Variants in TMEM217 observed in about 807,000 individuals in gnomAD.
TMEM217 encodes chromosome 6 open reading frame 128.
For synonymous variants in TMEM217, 76 were observed against 88.3 expected (o/e 0.86, Z 0.78); for missense variants, 204 against 248.8 (o/e 0.82, Z 1.21).
downstream of TMEM217, among the ~76,000 whole-genome samples, chr6:37,214,531 T>A (rs1355944538): frequency 6.6e-6 from 1 of 152,060 alleles, no homozygotes; most frequent in Non-Finnish European, 1.5e-5. Flanking sequence ...CTGGCCATCT[T>A]CAGAACTTTT....
chr6:37,215,703 T>C (rs576121334), downstream of TMEM217, among the ~76,000 whole-genome samples: 5 of 151,818 alleles, frequency 3.3e-5, no homozygotes, highest in South Asian at 2.1e-4. Flanking sequence ...TGAAAAATCA[T>C]TGGATGAGAA....
chr6:37,243,889 T>G (rs1057104081), intron 1 of TMEM217, among the ~76,000 whole-genome samples: 2 of 151,664 alleles, frequency 1.3e-5, no homozygotes, highest in Admixed American at 6.6e-5. Flanking sequence ...GATGGGGGGG[T>G]GCACAGGACC....
exon 1 of TMEM217, chr6:37,257,885 G>T (rs1244253653): frequency 1.2e-6 from 2 of 1,609,946 alleles, no homozygotes; most frequent in Non-Finnish European, 1.7e-6. Flanking sequence ...CAAACCCTTG[G>T]CCCGCCTACA....
chr6:37,224,166 T>C (rs1763683739), intron 1 of TMEM217, among the ~76,000 whole-genome samples: 1 of 149,510 alleles, frequency 6.7e-6, no homozygotes, highest in Non-Finnish European at 1.5e-5. Context: ...CTTGAACTCC[T>C]GACCTCAAAT....
chr6:37,222,800 T>C (rs982581961), intron 1 of TMEM217, among the ~76,000 whole-genome samples: 39 of 152,162 alleles, frequency 2.6e-4, no homozygotes, highest in Non-Finnish European at 5.4e-4. Context: ...CCCGGTGAGT[T>C]CCCGACTTAA....
At position 37,247,845 on chromosome 6, in the gene TMEM217, G is replaced by T. The variant is rs1382085160; in HGVS notation, c.-12+9723C>A. Among the ~76,000 whole-genome samples the T allele has an allele frequency of 2.0e-5, 3 of 152,266 alleles. No individual in the cohort carries two copies. In the East Asian group the frequency reaches 5.8e-4, roughly 29 times the overall value. On this transcript the variant is annotated intron_variant, in intron 1 of 1. Transcript: ENST00000357219. ...ACTAGTTGAGGGCTGCTCCCAGGAG[G>T]AGTTAACTCTTAGACATTTCCAATA... is the stretch of plus-strand genomic sequence containing the variant.
At chr6:37,217,918 A>G in exon 2 of TMEM217, 1 of 986,072 alleles carries the variant, frequency 1.0e-6, no homozygotes, top group Non-Finnish European at 1.2e-6. Context: ...AGTTCACAGA[A>G]GTTTTGATAA....
At chr6:37,232,416 C>T (rs548873403) in intron 1 of TMEM217, among the ~76,000 whole-genome samples, 2 of 152,288 alleles carry the variant, frequency 1.3e-5, no homozygotes, top group South Asian at 2.1e-4. Context: ...GACGGAGTCT[C>T]GCTCTGTCGC....
intron 1 of TMEM217, among the ~76,000 whole-genome samples, chr6:37,221,157 T>C (rs904721012): frequency 6.6e-6 from 1 of 152,048 alleles, no homozygotes; most frequent in African/African-American, 2.4e-5. Context: ...TTCTATTAAT[T>C]TGACTACTCT....
At chr6:37,215,836 A>T (rs1042328749), downstream of TMEM217, among the ~76,000 whole-genome samples, 23 of 152,188 alleles carry the variant, frequency 1.5e-4, no homozygotes, top group Non-Finnish European at 2.5e-4. Flanking sequence ...AGGGGTAGGC[A>T]CAGGGATAGG....
At chr6:37,257,485 T>G in intron 1 of TMEM217, 83 bp downstream of exon 1, 1 of 174,272 alleles carries the variant, frequency 5.7e-6, no homozygotes, top group Non-Finnish European at 1.2e-5. Flanking sequence ...TGTTCTCTCT[T>G]GCCAAGAAAT....
Position 37,218,963 on chromosome 6 carries a change from A to G in TMEM217, c.68T>C (p.Ile23Thr), listed in dbSNP as rs374662056. 5.0e-6 allele frequency: 8 copies of G among 1,614,208 alleles called. No individual in the cohort carries two copies. The highest frequency in any genetic ancestry group is 2.2e-5 in the East Asian group (1 of 44,890). The change falls in exon 2 of 2, where the codon ATC becomes ACC. Residue 23 changes from isoleucine (I) to threonine (T), a missense_variant. Coordinates refer to ENST00000357219, the Ensembl canonical transcript of TMEM217. ...GATGAGATACATGTCTACGGCCATGATGGTGAAGACCCCTGACAACACGGT... is the reference window on the plus strand; with the variant it reads ...GATGAGATACATGTCTACGGCCATGGTGGTGAAGACCCCTGACAACACGGT...
chr6:37,225,289 TA>T (rs1384391541), intron 1 of TMEM217, among the ~76,000 whole-genome samples: 11 of 152,048 alleles, frequency 7.2e-5, no homozygotes, highest in East Asian at 1.9e-4. Context: ...GGGGCAGGGA[TA>T]GGGGCAGGGG....
At chr6:37,256,410 T>C (rs1765731707) in intron 1 of TMEM217, among the ~76,000 whole-genome samples, 2 of 152,196 alleles carry the variant, frequency 1.3e-5, no homozygotes, top group Non-Finnish European at 2.9e-5. Context: ...TAGTGTGCAG[T>C]GCTGGTCACT....
downstream of TMEM217, among the ~76,000 whole-genome samples, chr6:37,213,265 A>G (rs1441516019): frequency 6.6e-6 from 1 of 152,224 alleles, no homozygotes; most frequent in East Asian, 1.9e-4. Context: ...GCTTTGCTTT[A>G]AAGTGGCAAA....
chr6:37,231,042 T>C (rs1386981734), intron 1 of TMEM217, among the ~76,000 whole-genome samples: 2 of 151,998 alleles, frequency 1.3e-5, no homozygotes, highest in African/African-American at 4.8e-5. Flanking sequence ...AAATTCCATT[T>C]AATTTAGTTT....
chr6:37,232,769 C>T (rs919044620), intron 1 of TMEM217, among the ~76,000 whole-genome samples: 4 of 152,224 alleles, frequency 2.6e-5, no homozygotes, highest in African/African-American at 9.6e-5. Flanking sequence ...GCGGAATCTT[C>T]CATTTATCAT....
At chr6:37,220,698 T>G (rs529142423) in intron 1 of TMEM217, among the ~76,000 whole-genome samples, 2 of 152,310 alleles carry the variant, frequency 1.3e-5, no homozygotes, top group South Asian at 4.1e-4. Context: ...TGTACTTTTA[T>G]GCTGGTCTTC....
intron 1 of TMEM217, among the ~76,000 whole-genome samples, chr6:37,250,036 T>C (rs1183709862): frequency 6.6e-6 from 1 of 152,192 alleles, no homozygotes; most frequent in African/African-American, 2.4e-5. Flanking sequence ...AGATAAAATA[T>C]GGTATTATAA....
Sources: gnomAD v4.1 joint callset for allele counts (sites outside exome capture counted in the v4.1 genomes callset) on GRCh38, gnomAD v4.1.1 for gene constraint, MANE v1.5 for transcripts, NCBI Gene and HGNC (gene_info 2026-07-23, HGNC 2026-07-21) for gene names.